Variants in KCND2 observed in about 807,000 individuals in gnomAD.
The protein encoded by KCND2 is potassium voltage-gated channel subfamily D member 2.
In KCND2, 16 loss-of-function variants were observed where a neutral mutation model predicts 54.4. The observed-to-expected ratio is 0.29, with a 90% CI of 0.20 to 0.45. The LOEUF (loss-of-function observed/expected upper bound fraction) is 0.45. KCND2 is among the 20% of genes least tolerant of loss of function. KCND2 has a pLI of 1.00. For missense variants in KCND2, 486 were observed against 824.2 expected (o/e 0.59, Z 5.02); for synonymous variants, 317 against 310.7 (o/e 1.02, Z -0.21).
intron 1 of KCND2, among the ~76,000 whole-genome samples, chr7:120,527,127 G>A (rs770208773): frequency 6.6e-6 from 1 of 151,930 alleles, no homozygotes; most frequent in African/African-American, 2.4e-5. Context: ...AACATATATC[G>A]TTACACAGTA....
At chr7:120,447,361 A>G (rs530932731) in intron 1 of KCND2, among the ~76,000 whole-genome samples, 2 of 151,842 alleles carry the variant, frequency 1.3e-5, no homozygotes, top group East Asian at 3.9e-4. Flanking sequence ...GGTGAAAAAA[A>G]AAAAGAAAAA....
Position 120,427,689 on chromosome 7 carries a change from G to T in KCND2, c.1115+151942G>T, listed in dbSNP as rs532721583. Among the ~76,000 whole-genome samples the T allele has an allele frequency of 2.0e-5, 3 of 152,204 alleles. No individual in the cohort carries two copies. In the East Asian group the frequency reaches 5.8e-4, roughly 29 times the overall value. The stretch of plus-strand genomic sequence containing the variant: ...TATTTATAAGATACTTTGTATCAAG[G>T]AATTATTTAATTCTAGTAAAAAAAT... On this transcript the variant is annotated intron_variant, in intron 1 of 5. Coordinates refer to ENST00000331113, the MANE Select transcript of KCND2 (RefSeq NM_012281.3).
At chr7:120,414,205 A>C (rs758431797) in intron 1 of KCND2, among the ~76,000 whole-genome samples, 11 of 152,108 alleles carry the variant, frequency 7.2e-5, no homozygotes, top group Non-Finnish European at 1.5e-4. Flanking sequence ...GCACTATAAT[A>C]GTTAATTTGT....
chr7:120,502,593 TG>T (rs1428919878), intron 1 of KCND2, among the ~76,000 whole-genome samples: 1 of 152,064 alleles, frequency 6.6e-6, no homozygotes, highest in Non-Finnish European at 1.5e-5. Flanking sequence ...TGCAGTGTCT[TG>T]CCCCTTCAGG....
intron 1 of KCND2, among the ~76,000 whole-genome samples, chr7:120,506,149 A>C (rs1366713847): frequency 1.3e-5 from 2 of 151,736 alleles, no homozygotes; most frequent in Non-Finnish European, 3.0e-5. Flanking sequence ...TCTAGTTTAA[A>C]GAGGAAATAC....
intron 1 of KCND2, among the ~76,000 whole-genome samples, chr7:120,326,431 A>G (rs937284770): frequency 1.3e-5 from 2 of 152,114 alleles, no homozygotes; most frequent in African/African-American, 4.8e-5. Context: ...AATATTCATA[A>G]TAATCTATTT....
intron 1 of KCND2, among the ~76,000 whole-genome samples, chr7:120,481,830 G>A (rs1317760008): frequency 6.6e-6 from 1 of 152,190 alleles, no homozygotes; most frequent in Non-Finnish European, 1.5e-5. Flanking sequence ...AAGAGCTATG[G>A]GGACATAGCT....
intron 1 of KCND2, among the ~76,000 whole-genome samples, chr7:120,495,134 A>G (rs1028413760): frequency 6.6e-6 from 1 of 151,890 alleles, no homozygotes; most frequent in Non-Finnish European, 1.5e-5. Flanking sequence ...TTTTTTTAAT[A>G]TTTTTTTTCC....
At chr7:120,568,031 A>G (rs928327282) in intron 1 of KCND2, among the ~76,000 whole-genome samples, 1 of 152,146 alleles carries the variant, frequency 6.6e-6, no homozygotes, top group Non-Finnish European at 1.5e-5. Context: ...TAGCCTTAGA[A>G]GAAAAATGTT....
chr7:120,598,463 A>T (rs957591679), intron 1 of KCND2, among the ~76,000 whole-genome samples: 1 of 149,370 alleles, frequency 6.7e-6, no homozygotes, highest in African/African-American at 2.5e-5. Flanking sequence ...AAACTGCCAA[A>T]CTATTTTCCC....
At chr7:120,407,856 G>A (rs1175336331) in intron 1 of KCND2, among the ~76,000 whole-genome samples, 1 of 151,826 alleles carries the variant, frequency 6.6e-6, no homozygotes, top group Non-Finnish European at 1.5e-5. Context: ...TATATGAAGA[G>A]TTAAGAGATG....
intron 1 of KCND2, among the ~76,000 whole-genome samples, chr7:120,717,706 A>C (rs1170737675): frequency 6.6e-6 from 1 of 152,024 alleles, no homozygotes; most frequent in Non-Finnish European, 1.5e-5. Flanking sequence ...CGCCTCTTAA[A>C]AACCACATCT....
At chr7:120,686,733 G>A (rs1792206476) in intron 1 of KCND2, among the ~76,000 whole-genome samples, 1 of 152,084 alleles carries the variant, frequency 6.6e-6, no homozygotes, top group Non-Finnish European at 1.5e-5. Context: ...GTTTACTGGA[G>A]TTGTATCCAT....
intron 1 of KCND2, among the ~76,000 whole-genome samples, chr7:120,311,458 G>A (rs963009395): frequency 4.6e-5 from 7 of 152,284 alleles, no homozygotes; most frequent in African/African-American, 1.4e-4. Flanking sequence ...GCATTAATCT[G>A]AGGAAGACTG....
intron 1 of KCND2, among the ~76,000 whole-genome samples, chr7:120,359,799 G>A (rs904641166): frequency 3.3e-5 from 5 of 152,000 alleles, no homozygotes; most frequent in Non-Finnish European, 7.4e-5. Context: ...TGGATCATGG[G>A]GGTGGTTCCC....
intron 1 of KCND2, among the ~76,000 whole-genome samples, chr7:120,625,874 TAA>T (rs1190383025): frequency 6.6e-6 from 1 of 152,042 alleles, no homozygotes; most frequent in African/African-American, 2.4e-5. Flanking sequence ...AAATCCTTGA[TAA>T]AAAATTTTGT....
At chr7:120,585,123 A>C (rs538862412) in intron 1 of KCND2, among the ~76,000 whole-genome samples, 8 of 152,080 alleles carry the variant, frequency 5.3e-5, no homozygotes, top group Non-Finnish European at 1.2e-4. Context: ...AGAGTTACCA[A>C]GTATAATAAA....
chr7:120,717,383 A>T (rs899549896), intron 1 of KCND2, among the ~76,000 whole-genome samples: 1 of 152,130 alleles, frequency 6.6e-6, no homozygotes, highest in Non-Finnish European at 1.5e-5. Context: ...GTGACATTTC[A>T]TCATTCTATT....
intron 1 of KCND2, among the ~76,000 whole-genome samples, chr7:120,446,813 A>G (rs1321271046): frequency 1.3e-5 from 2 of 152,186 alleles, no homozygotes; most frequent in Non-Finnish European, 2.9e-5. Flanking sequence ...AACGTAGCTA[A>G]TAATTAGTTG....
Sources: allele counts gnomAD v4.1 joint callset (sites outside exome capture counted in the v4.1 genomes callset), GRCh38; gene constraint gnomAD v4.1.1; transcripts MANE v1.5; gene names NCBI Gene and HGNC (gene_info 2026-07-23, HGNC 2026-07-21).